Variants in ZNF44 observed in about 807,000 individuals in gnomAD.
The protein encoded by ZNF44 is zinc finger protein 44.
In ZNF44, 9 loss-of-function variants were observed where a neutral mutation model predicts 11.7. That is an observed-to-expected ratio of 0.77 (90% CI 0.46 to 1.35). ZNF44 has a LOEUF of 1.35. Among genes scored for constraint, ZNF44 ranks in the 40% most tolerant of loss-of-function variants. The probability of loss-of-function intolerance (pLI) is 0.00; values close to 1 mark genes in which losing one functional copy is unlikely to be tolerated. For synonymous variants in ZNF44, 224 were observed against 242.7 expected (o/e 0.92, Z 0.72); for missense variants, 696 against 743.1 (o/e 0.94, Z 0.74).
At chr19:12,286,658 C>T (rs1967765194) in intron 1 of ZNF44, among the ~76,000 whole-genome samples, 1 of 146,468 alleles carries the variant, frequency 6.8e-6, no homozygotes, top group Middle Eastern at 3.5e-3. Flanking sequence ...AGAAAGAAAA[C>T]AGATCATTGG....
intron 7 of ZNF44, among the ~76,000 whole-genome samples, chr19:12,249,720 T>C (rs1481804604): frequency 1.3e-5 from 2 of 151,818 alleles, no homozygotes; most frequent in African/African-American, 4.8e-5. Flanking sequence ...GCCCGGCTAA[T>C]TTTGTATTTT....
upstream of ZNF44, among the ~76,000 whole-genome samples, chr19:12,241,506 C>A (rs1402060386): frequency 6.6e-6 from 1 of 152,104 alleles, no homozygotes; most frequent in Non-Finnish European, 1.5e-5. Context: ...CCTTCCTGGC[C>A]AACATGGTGA....
intron 1 of ZNF44, among the ~76,000 whole-genome samples, chr19:12,236,099 A>G (rs1403522411): frequency 6.6e-6 from 1 of 152,256 alleles, no homozygotes; most frequent in Non-Finnish European, 1.5e-5. Context: ...TGTACAATAA[A>G]GGACAAATAG....
exon 8 of ZNF44, chr19:12,247,769 ACACT>A (rs1347581226): frequency 3.9e-5 from 51 of 1,309,516 alleles, no homozygotes; most frequent in Non-Finnish European, 4.9e-5. Context: ...CACATTTTTT[ACACT>A]CAAAGGGTTT....
At chr19:12,291,206 T>C (rs1047681258) in intron 1 of ZNF44, 1 of 451,720 alleles carries the variant, frequency 2.2e-6, no homozygotes, top group African/African-American at 2.0e-5. Context: ...CAAGTCCAGA[T>C]AACAGGAACA....
intron 1 of ZNF44, among the ~76,000 whole-genome samples, chr19:12,288,776 ATAT>A (rs1967872845): frequency 2.0e-4 from 5 of 25,336 alleles, no homozygotes; most frequent in Admixed American, 1.0e-3. Context: ...AAAAAAATGT[ATAT>A]ATATATATAT....
At chr19:12,288,795 T>TAC (rs978098330) in intron 1 of ZNF44, among the ~76,000 whole-genome samples, 2 of 134,160 alleles carry the variant, frequency 1.5e-5, no homozygotes, top group African/African-American at 6.1e-5. Flanking sequence ...TATATATATA[T>TAC]ATATATATAT....
chr19:12,293,161 C>T (rs1317827740), intron 1 of ZNF44: 14 of 1,482,636 alleles, frequency 9.4e-6, no homozygotes, highest in Middle Eastern at 2.1e-4. Context: ...TGAGCCACCG[C>T]GCCCAGCCCA....
At chr19:12,289,269 C>T (rs1477034002) in intron 1 of ZNF44, among the ~76,000 whole-genome samples, 2 of 152,098 alleles carry the variant, frequency 1.3e-5, no homozygotes, top group Non-Finnish European at 2.9e-5. Context: ...GATGGCCCCA[C>T]TGCACTCTAG....
At chr19:12,255,701 T>C (rs898178924) in intron 5 of ZNF44, among the ~76,000 whole-genome samples, 6 of 152,136 alleles carry the variant, frequency 3.9e-5, no homozygotes, top group African/African-American at 9.7e-5. Context: ...GGACAACTTA[T>C]GACCATCTGG....
intron 1 of ZNF44, among the ~76,000 whole-genome samples, chr19:12,279,492 A>C (rs964320131): frequency 1.6e-4 from 24 of 152,078 alleles, no homozygotes; most frequent in Admixed American, 9.2e-4. Flanking sequence ...CCCCACCCCC[A>C]AAAAAACCCC....
At chr19:12,244,657 AC>A (rs1251474598), downstream of ZNF44, 13 of 152,690 alleles carry the variant, frequency 8.5e-5, no homozygotes, top group Non-Finnish European at 1.9e-4. Context: ...AAATTCTGTA[AC>A]CATGTCTCCG....
At chr19:12,242,032 G>C (rs796274264), upstream of ZNF44, among the ~76,000 whole-genome samples, 90 of 152,222 alleles carry the variant, frequency 5.9e-4, no homozygotes, top group African/African-American at 2.1e-3. Flanking sequence ...AGATTACCAA[G>C]GGATGGGGAT....
At chr19:12,270,372 C>T (rs564510844), downstream of ZNF44, among the ~76,000 whole-genome samples, 2 of 151,804 alleles carry the variant, frequency 1.3e-5, no homozygotes, top group African/African-American at 2.4e-5. Flanking sequence ...GATGTTCTTG[C>T]CTTCTAACAC....
chr19:12,247,212 A>T, downstream of ZNF44: 1 of 1,002,374 alleles, frequency 1.0e-6, no homozygotes, highest in Non-Finnish European at 1.3e-6. Context: ...CTCCAGTATG[A>T]ACTTTCATAT....
chr19:12,241,089 G>C (rs6511776), upstream of ZNF44, among the ~76,000 whole-genome samples: 46,915 of 152,104 alleles, frequency 0.31, 7,864 homozygotes, highest in African/African-American at 0.45. Context: ...TCAAAAATGA[G>C]TGAGGGACTT....
intron 7 of ZNF44, chr19:12,248,823 T>C (rs891263134): frequency 2.7e-6 from 1 of 377,166 alleles, no homozygotes; most frequent in African/African-American, 2.1e-5. Context: ...GTGAATGTAC[T>C]GAATGCTATG....
chr19:12,243,018 T>G (rs1916671517), downstream of ZNF44, among the ~76,000 whole-genome samples: 1 of 152,156 alleles, frequency 6.6e-6, no homozygotes, highest in Non-Finnish European at 1.5e-5. Flanking sequence ...CTTAACAAAT[T>G]GCCAAAATAC....
Position 12,294,799 on chromosome 19 carries a change from G to T in ZNF44, c.-105C>A. ...TGTCCCAGGGCGTCTCTCAGTGACAGAATACGGAACAGAGGTCACCAGGGT... is the reference window on the plus strand; with the variant it reads ...TGTCCCAGGGCGTCTCTCAGTGACATAATACGGAACAGAGGTCACCAGGGT... On this transcript the variant is annotated 5_prime_UTR_variant, in exon 1 of 4. It adds an upstream start codon to the 5' untranslated region. Coordinates refer to ENST00000355684, the MANE Select transcript of ZNF44 (RefSeq NM_016264.4). 7.2e-7 allele frequency: 1 copy of T among 1,390,888 alleles called. No individual in the cohort carries two copies. Among genetic ancestry groups the T allele is most frequent in the Non-Finnish European group, 9.7e-7 (1 of 1,031,488 alleles). 86.2% of individuals were successfully genotyped at this position (1,390,888 alleles called of 1,614,324 possible).
Sources: gnomAD v4.1 joint callset for allele counts (sites outside exome capture counted in the v4.1 genomes callset) on GRCh38, gnomAD v4.1.1 for gene constraint, MANE v1.5 for transcripts, NCBI Gene and HGNC (gene_info 2026-07-23, HGNC 2026-07-21) for gene names.